The following CCSER1 variants were observed in gnomAD, a reference collection of about 807,000 sequenced individuals.
CCSER1 encodes serine-rich coiled-coil domain-containing protein 1.
Under a neutral mutation model 82.0 loss-of-function variants are expected in CCSER1, and 41 were observed. That is an observed-to-expected ratio of 0.50 (90% confidence interval 0.39 to 0.65). The LOEUF (loss-of-function observed/expected upper bound fraction) is 0.65. CCSER1 is among the 30% of genes least tolerant of loss of function. The pLI, the probability that CCSER1 is intolerant of heterozygous loss-of-function variation, is 0.00. For synonymous variants in CCSER1, 414 were observed against 383.9 expected, an observed-to-expected ratio of 1.08 and a Z score of -0.92; for missense variants, 1,119 against 1,064.2, an observed-to-expected ratio of 1.05 and a Z score of -0.72.
At position 91,082,699 on chromosome 4, in the gene CCSER1, T is replaced by C. The variant is rs945261959; in HGVS notation, c.2173-3251T>C. Reference sequence around the variant, plus strand: ...TAATATCCAGAATCTACAAAGAACTTAAACAGATTTACAAGAAAAAATCAA... The same window carrying C: ...TAATATCCAGAATCTACAAAGAACTCAAACAGATTTACAAGAAAAAATCAA... On this transcript the variant is annotated intron_variant, in intron 9 of 10. Transcript: ENST00000509176. Among the ~76,000 whole-genome samples the C allele has an allele frequency of 4.6e-5, 7 of 151,980 alleles. No homozygotes were observed. The East Asian group carries it at 5.8e-4, about 13-fold the overall frequency.
chr4:90,242,631 CTG>C (rs1312363107), intron 1 of CCSER1, among the ~76,000 whole-genome samples: 7 of 152,118 alleles, frequency 4.6e-5, no homozygotes, highest in Non-Finnish European at 1.0e-4. Flanking sequence ...TTCCATGGCT[CTG>C]TGAAAACTAA....
At position 91,452,123 on chromosome 4, in the gene CCSER1, A is replaced by G. The variant is rs1755901811; in HGVS notation, c.2218-146449A>G. ...CAACAAATCCTGGAAAGTAACTTCTATGGCAGGAGTCTCAGAAATGATAAT... is the reference window on the plus strand; with the variant it reads ...CAACAAATCCTGGAAAGTAACTTCTGTGGCAGGAGTCTCAGAAATGATAAT... On this transcript the variant is annotated intron_variant, in intron 10 of 10. Coordinates refer to ENST00000509176, the MANE Select transcript of CCSER1 (RefSeq NM_001145065.2). Among the ~76,000 whole-genome samples the G allele has an allele frequency of 3.3e-5, 5 of 152,134 alleles. No individual in the cohort carries two copies. In the South Asian group the frequency reaches 8.3e-4, roughly 25 times the overall value.
chr4:91,405,088 G>A (rs1403380074), intron 10 of CCSER1, among the ~76,000 whole-genome samples: 1 of 152,150 alleles, frequency 6.6e-6, no homozygotes, highest in Admixed American at 6.5e-5. Flanking sequence ...TCTGTATTGT[G>A]TGCATATATA....
intron 9 of CCSER1, among the ~76,000 whole-genome samples, chr4:91,027,920 T>C (rs1238886603): frequency 6.6e-6 from 1 of 152,112 alleles, no homozygotes; most frequent in Non-Finnish European, 1.5e-5. Flanking sequence ...GTTATAACTC[T>C]GTTGCAATGT....
In CCSER1 at chr4:90,936,297, T is replaced by G. The variant is rs534684233; in HGVS notation, c.2172+12850T>G. 3.3e-5 allele frequency among the ~76,000 whole-genome samples: 5 copies of G among 152,184 alleles called. No individual in the cohort carries two copies. In the South Asian group the frequency reaches 1.0e-3, roughly 32 times the overall value. On this transcript the variant is annotated intron_variant, in intron 9 of 10. Transcript: ENST00000509176. ...CAAGAAGATTAACCTATTTTGTAAC[T>G]GATTTTCCTAGTTTATAATATCCCC...
intron 10 of CCSER1, among the ~76,000 whole-genome samples, chr4:91,588,723 G>C (rs1764128482): frequency 6.6e-6 from 1 of 151,672 alleles, no homozygotes; most frequent in South Asian, 2.1e-4. Context: ...GAAAATGTAG[G>C]TTCTTATTAT....
chr4:91,199,999 A>T (rs539963691), intron 10 of CCSER1, among the ~76,000 whole-genome samples: 1 of 152,174 alleles, frequency 6.6e-6, no homozygotes, highest in East Asian at 1.9e-4. Context: ...TAATTAAAAC[A>T]TTCAAAAAAC....
At chr4:91,351,624 T>C (rs1336249966) in intron 10 of CCSER1, among the ~76,000 whole-genome samples, 1 of 152,106 alleles carries the variant, frequency 6.6e-6, no homozygotes, top group Non-Finnish European at 1.5e-5. Context: ...ATATAAAATA[T>C]GGGGAATATT....
chr4:90,380,349 A>AT (rs1749013236), intron 3 of CCSER1, among the ~76,000 whole-genome samples: 1 of 152,198 alleles, frequency 6.6e-6, no homozygotes, highest in Non-Finnish European at 1.5e-5. Flanking sequence ...TTCAGGTTCT[A>AT]ATTTTGATAA....
chr4:91,399,796 A>C (rs770889799), intron 10 of CCSER1, among the ~76,000 whole-genome samples: 93 of 152,102 alleles, frequency 6.1e-4, no homozygotes, highest in Non-Finnish European at 1.1e-3. Flanking sequence ...TGGGAGTCCA[A>C]ATTTGTAATA....
At chr4:90,305,825 T>C (rs1456595156) in intron 1 of CCSER1, among the ~76,000 whole-genome samples, 1 of 152,188 alleles carries the variant, frequency 6.6e-6, no homozygotes, top group African/African-American at 2.4e-5. Context: ...ATCCTACTTC[T>C]GGGTATATAG....
At chr4:90,637,580 G>A (rs1725657753) in intron 6 of CCSER1, among the ~76,000 whole-genome samples, 1 of 152,096 alleles carries the variant, frequency 6.6e-6, no homozygotes, top group South Asian at 2.1e-4. Flanking sequence ...GCCATTCAAA[G>A]TATCATTCAA....
chr4:91,416,559 A>G (rs1237049773), intron 10 of CCSER1, among the ~76,000 whole-genome samples: 2 of 152,200 alleles, frequency 1.3e-5, no homozygotes, highest in Non-Finnish European at 2.9e-5. Flanking sequence ...GCATACCTGC[A>G]ATCATCTTAT....
intron 9 of CCSER1, among the ~76,000 whole-genome samples, chr4:90,945,274 AT>A (rs960405738): frequency 6.6e-6 from 1 of 152,148 alleles, no homozygotes; most frequent in Non-Finnish European, 1.5e-5. Context: ...AATTAGAGGT[AT>A]TTTTTAAAAT....
intron 10 of CCSER1, among the ~76,000 whole-genome samples, chr4:91,119,355 T>TTA (rs1046042847): frequency 1.3e-5 from 2 of 151,988 alleles, no homozygotes; most frequent in South Asian, 2.1e-4. Context: ...ATATGCAAAA[T>TTA]TATATATATA....
At chr4:90,661,324 C>A (rs2149096045) in intron 6 of CCSER1, among the ~76,000 whole-genome samples, 1 of 152,256 alleles carries the variant, frequency 6.6e-6, no homozygotes, top group African/African-American at 2.4e-5. Flanking sequence ...ATCATAAGAA[C>A]CCCAGTTTGA....
At chr4:91,364,581 G>C (rs1749478011) in intron 10 of CCSER1, among the ~76,000 whole-genome samples, 1 of 152,000 alleles carries the variant, frequency 6.6e-6, no homozygotes, top group African/African-American at 2.4e-5. Context: ...GATATTATAT[G>C]AAGAGTTAAT....
chr4:90,656,134 A>C (rs57264941), intron 6 of CCSER1, among the ~76,000 whole-genome samples: 24,514 of 151,848 alleles, frequency 0.16, 2,478 homozygotes, highest in Middle Eastern at 0.28. Flanking sequence ...TCTTTTTAAA[A>C]GTTTTTAAAA....
chr4:91,209,105 C>G (rs1157239083), intron 10 of CCSER1, among the ~76,000 whole-genome samples: 2 of 151,840 alleles, frequency 1.3e-5, no homozygotes, highest in Non-Finnish European at 2.9e-5. Context: ...GCTCACGGAT[C>G]TTTTTGGCAG....
Sources: allele counts gnomAD v4.1 joint callset (sites outside exome capture counted in the v4.1 genomes callset), GRCh38; gene constraint gnomAD v4.1.1; transcripts MANE v1.5; gene names NCBI Gene and HGNC (gene_info 2026-07-23, HGNC 2026-07-21).